Variants in PLEKHG4B observed in about 807,000 individuals in gnomAD.
PLEKHG4B encodes the protein pleckstrin homology and RhoGEF domain containing G4B.
PLEKHG4B carries 111 observed loss-of-function variants against 121.3 expected under a neutral mutation model. That is an observed-to-expected ratio of 0.92 (90% CI 0.78 to 1.07). The LOEUF (loss-of-function observed/expected upper bound fraction) is 1.07, where lower values mean the gene tolerates loss of function less well. PLEKHG4B is among the 50% of genes least tolerant of loss of function. The pLI, the probability that PLEKHG4B is intolerant of heterozygous loss-of-function variation, is 0.00. For missense variants in PLEKHG4B, 1,831 were observed against 1,757.8 expected (o/e 1.04, Z -0.74); for synonymous variants, 738 against 725.0 (o/e 1.02, Z -0.29).
intron 1 of PLEKHG4B, among the ~76,000 whole-genome samples, chr5:97,052 T>TC (rs1348096025): frequency 1.3e-5 from 2 of 152,156 alleles, no homozygotes; most frequent in African/African-American, 4.8e-5. Flanking sequence ...TATTCCAAAG[T>TC]CAAACCCCTT....
At chr5:172,465 G>A (rs1736591444) in intron 16 of PLEKHG4B, among the ~76,000 whole-genome samples, 1 of 152,234 alleles carries the variant, frequency 6.6e-6, no homozygotes. Context: ...GGGGACTCTA[G>A]CACCACCTCA....
At position 183,983 on chromosome 5, in the gene PLEKHG4B, A is replaced by C. The variant is rs55748800; in HGVS notation, c.*1660A>C. 1.2e-5 allele frequency: 1 copy of C among 83,088 alleles called. No homozygotes were observed. Among genetic ancestry groups the C allele is most frequent in the Admixed American group, 1.2e-4 (1 of 8,658 alleles). The allele number at this position is 83,088 out of a possible 1,614,324, so 5.1% of individuals were successfully genotyped here. A position where few individuals can be genotyped will look rare whatever the true frequency, so the allele number is the denominator to read the frequency against. Reference sequence around the variant, plus strand: ...TATATATACAGACAGATAGATAGATAGATAGATCGATAGATAGATAGATAG... The same window carrying C: ...TATATATACAGACAGATAGATAGATCGATAGATCGATAGATAGATAGATAG... On this transcript the variant is annotated 3_prime_UTR_variant, in exon 20 of 20. Transcript: ENST00000637938.
intron 1 of PLEKHG4B, among the ~76,000 whole-genome samples, chr5:109,397 C>CAAAAAAAAAAAAAAAAA (rs34972342): frequency 3.2e-5 from 2 of 61,818 alleles, no homozygotes; most frequent in African/African-American, 1.5e-4. Flanking sequence ...ACTCTGTCTC[C>CAAAAAAAAAAAAAAAAA]AAAAAAAAAA....
At chr5:102,863 A>G (rs1733863519) in intron 1 of PLEKHG4B, among the ~76,000 whole-genome samples, 1 of 152,208 alleles carries the variant, frequency 6.6e-6, no homozygotes, top group African/African-American at 2.4e-5. Context: ...CCTGGGCGAC[A>G]TCTGTGTGAC....
chr5:170,723 C>T (rs1436721305), intron 14 of PLEKHG4B, among the ~76,000 whole-genome samples: 1 of 152,136 alleles, frequency 6.6e-6, no homozygotes. Context: ...TTCCAATGCC[C>T]CCCACGCCCT....
intron 2 of PLEKHG4B, among the ~76,000 whole-genome samples, chr5:114,459 T>C (rs76792440): frequency 0.07 from 10,679 of 152,022 alleles, 682 homozygotes; most frequent in African/African-American, 0.17. Flanking sequence ...CATATTTTGG[T>C]GTTTGTTTGT....
chr5:111,616 G>A (rs891046671), intron 1 of PLEKHG4B, among the ~76,000 whole-genome samples: 1 of 152,212 alleles, frequency 6.6e-6, no homozygotes, highest in Non-Finnish European at 1.5e-5. Context: ...GGATGGCCCA[G>A]TGTCGGCATT....
At chr5:158,119 C>G (rs1735853476) in intron 11 of PLEKHG4B, among the ~76,000 whole-genome samples, 1 of 152,178 alleles carries the variant, frequency 6.6e-6, no homozygotes, top group Non-Finnish European at 1.5e-5. Flanking sequence ...CGGGCTGTCT[C>G]CAGTCTGTGC....
rs1162245706 is a variant in PLEKHG4B at position 182,569 on chromosome 5, G to A, written c.*246G>A. 9.7e-6 allele frequency: 5 copies of A among 515,062 alleles called. No individual in the cohort carries two copies. The East Asian group carries it at 1.5e-4, about 15-fold the overall frequency. 31.9% of individuals were successfully genotyped at this position (515,062 alleles called of 1,614,324 possible). On this transcript the variant is annotated 3_prime_UTR_variant, in exon 20 of 20. Coordinates refer to ENST00000637938, the MANE Select transcript of PLEKHG4B (RefSeq NM_052909.5). ...ACTTCCACCCAAGACAACAGCATAG[G>A]AAACAGACCTAAAACAAGACAAAAA... is the stretch of plus-strand genomic sequence containing the variant.
chr5:155,938 G>A, intron 9 of PLEKHG4B, 133 bp from the exon 10 acceptor site: 1 of 894,302 alleles, frequency 1.1e-6, no homozygotes, highest in South Asian at 2.2e-5. Flanking sequence ...TCAGCTTGAG[G>A]AGTGGGCACT....
chr5:166,402 C>T (rs1443567120), intron 13 of PLEKHG4B, among the ~76,000 whole-genome samples: 191 of 77,618 alleles, frequency 2.5e-3, no homozygotes, highest in Non-Finnish European at 4.9e-3. Flanking sequence ...TCTGACGGGG[C>T]GGAGCTCACA....
At chr5:168,562 G>C (rs1257201072) in intron 13 of PLEKHG4B, among the ~76,000 whole-genome samples, 2 of 152,230 alleles carry the variant, frequency 1.3e-5, no homozygotes, top group Non-Finnish European at 2.9e-5. Flanking sequence ...ACTGCTGGAA[G>C]TGTTTGAGTC....
At chr5:167,954 A>G (rs111463888) in intron 13 of PLEKHG4B, among the ~76,000 whole-genome samples, 1,901 of 152,356 alleles carry the variant, frequency 0.012, 43 homozygotes, top group African/African-American at 0.043. Context: ...TTGGGCCTCT[A>G]TGATCACAGC....
chr5:150,109 CCTT>C (rs1735557030), intron 6 of PLEKHG4B, among the ~76,000 whole-genome samples: 2 of 152,188 alleles, frequency 1.3e-5, no homozygotes, highest in Non-Finnish European at 2.9e-5. Context: ...ACAGAAGCAA[CCTT>C]AGTGCCCATC....
intron 13 of PLEKHG4B, among the ~76,000 whole-genome samples, chr5:164,176 C>G (rs987824096): frequency 1.7e-4 from 26 of 152,274 alleles, no homozygotes; most frequent in Non-Finnish European, 3.7e-4. Context: ...AATCCCCATC[C>G]TTTTTGCCAC....
intron 6 of PLEKHG4B, among the ~76,000 whole-genome samples, chr5:149,662 T>C (rs1370650528): frequency 6.6e-6 from 1 of 152,204 alleles, no homozygotes; most frequent in Non-Finnish European, 1.5e-5. Flanking sequence ...AGAGAACTCC[T>C]AAAATTCAAC....
chr5:120,909 G>A (rs1021968364), intron 2 of PLEKHG4B, among the ~76,000 whole-genome samples: 9 of 152,156 alleles, frequency 5.9e-5, no homozygotes, highest in Admixed American at 5.9e-4. Flanking sequence ...GGCAGATGAA[G>A]TAGATGAAGA....
At chr5:100,133 G>A (rs1365413092) in intron 1 of PLEKHG4B, among the ~76,000 whole-genome samples, 1 of 152,094 alleles carries the variant, frequency 6.6e-6, no homozygotes, top group African/African-American at 2.4e-5. Context: ...CTAGTGTTTT[G>A]TGGAAGATTT....
intron 18 of PLEKHG4B, among the ~76,000 whole-genome samples, chr5:177,320 G>A (rs1421847532): frequency 6.6e-6 from 1 of 152,146 alleles, no homozygotes; most frequent in African/African-American, 2.4e-5. Context: ...TATGTCATGT[G>A]TCTATTCACA....
Sources: allele counts gnomAD v4.1 joint callset (sites outside exome capture counted in the v4.1 genomes callset), GRCh38; gene constraint gnomAD v4.1.1; transcripts MANE v1.5; gene names NCBI Gene and HGNC (gene_info 2026-07-23, HGNC 2026-07-21).